Variants in TRIM16 observed in about 807,000 individuals in gnomAD.
TRIM16 encodes the protein tripartite motif containing 16.
In TRIM16, 33 loss-of-function variants were observed where a neutral mutation model predicts 50.4. The ratio of observed to expected loss-of-function variants is 0.65; its 90% CI spans 0.50 to 0.88. The LOEUF is 0.88. Among genes scored for constraint, TRIM16 ranks in the 40% least tolerant of loss-of-function variants. TRIM16 has a pLI of 0.00. For synonymous variants in TRIM16, 229 were observed against 270.7 expected (o/e 0.85, Z 1.51); for missense variants, 581 against 686.8 (o/e 0.85, Z 1.72).
intron 6 of TRIM16, among the ~76,000 whole-genome samples, chr17:15,652,291 G>T (rs1224425254): frequency 8.1e-5 from 12 of 148,692 alleles, no homozygotes; most frequent in Non-Finnish European, 3.0e-5. Context: ...GGGATTACAG[G>T]CACCTGCCAC....
intron 11 of TRIM16, among the ~76,000 whole-genome samples, chr17:15,630,407 C>T (rs1279395092): frequency 6.6e-6 from 1 of 152,170 alleles, no homozygotes; most frequent in Non-Finnish European, 1.5e-5. Flanking sequence ...GCTTGTCCTC[C>T]CTCTAATCTA....
intron 8 of TRIM16, among the ~76,000 whole-genome samples, chr17:15,637,384 C>T (rs1199361630): frequency 8.9e-6 from 1 of 112,920 alleles, no homozygotes; most frequent in South Asian, 3.3e-4. Flanking sequence ...CCGCCCCGTC[C>T]GGGAGGGAGG....
intron 6 of TRIM16, among the ~76,000 whole-genome samples, chr17:15,667,338 T>C (rs930867862): frequency 2.0e-5 from 3 of 152,132 alleles, no homozygotes; most frequent in Admixed American, 1.3e-4. Context: ...CACTCAAAAA[T>C]TGAAAATAAA....
chr17:15,675,403 T>C (rs1368100453), intron 6 of TRIM16: 1 of 165,892 alleles, frequency 6.0e-6, no homozygotes, highest in Non-Finnish European at 1.5e-5. Flanking sequence ...AAGTCTCTGG[T>C]GTCTAATGAG....
chr17:15,636,580 T>G (rs2323795), intron 8 of TRIM16, among the ~76,000 whole-genome samples: 1 of 146,582 alleles, frequency 6.8e-6, no homozygotes, highest in African/African-American at 2.5e-5. Context: ...CAGAGCAATG[T>G]GTGTATTCAG....
Position 15,651,105 on chromosome 17 carries a change from G to A in TRIM16, c.505C>T (p.Arg169Cys), listed in dbSNP as rs772482617. 6.2e-6 allele frequency: 10 copies of A among 1,610,110 alleles called. No homozygotes were observed. The highest frequency in any genetic ancestry group is 2.2e-5 in the East Asian group (1 of 44,810). Reference sequence around the variant, plus strand: ...CAAGCACTCACCTCCTTGTCCCTGCGGGCTGCATCCAGGGAGACTATGGTG... The same window carrying A: ...CAAGCACTCACCTCCTTGTCCCTGCAGGCTGCATCCAGGGAGACTATGGTG... ...GHTIVSLDAA[R>C]RDKEAELQCT... The change falls in exon 7 of 12, where the codon CGC becomes TGC. Residue 169 changes from arginine to cysteine, a missense_variant. Transcript: ENST00000649191.
chr17:15,651,986 T>C, intron 6 of TRIM16, 40 bp from the exon 7 acceptor site: 1 of 1,104,918 alleles, frequency 9.1e-7, no homozygotes, highest in Non-Finnish European at 1.1e-6. Context: ...GTTATAAGCC[T>C]GTGTGGCTTT....
intron 6 of TRIM16, among the ~76,000 whole-genome samples, chr17:15,669,316 T>C (rs1054334895): frequency 3.1e-4 from 47 of 151,636 alleles, no homozygotes; most frequent in African/African-American, 1.0e-3. Context: ...TAAGAATATA[T>C]AGAAATTATA....
intron 6 of TRIM16, among the ~76,000 whole-genome samples, chr17:15,676,597 G>A (rs1330957500): frequency 8.6e-5 from 13 of 151,002 alleles, no homozygotes; most frequent in African/African-American, 2.9e-4. Flanking sequence ...CACCACGCCC[G>A]GCTAATTTTT....
chr17:15,649,778 A>T (rs751524918), intron 7 of TRIM16, among the ~76,000 whole-genome samples: 3 of 152,162 alleles, frequency 2.0e-5, no homozygotes, highest in Non-Finnish European at 4.4e-5. Flanking sequence ...TTAATCGACT[A>T]TGAGCTTGGA....
At chr17:15,631,854 G>T (rs554455990) in intron 10 of TRIM16, 140 bp from the exon 11 acceptor site, 7 of 714,096 alleles carry the variant, frequency 9.8e-6, no homozygotes, top group Non-Finnish European at 1.7e-5. Flanking sequence ...ACAGAAATAC[G>T]CTCAATAGAC....
intron 6 of TRIM16, among the ~76,000 whole-genome samples, chr17:15,676,307 CAACTT>C (rs1227919537): frequency 2.6e-5 from 4 of 152,108 alleles, no homozygotes; most frequent in African/African-American, 9.7e-5. Flanking sequence ...ACACTTCAAA[CAACTT>C]AAGAGAAACT....
chr17:15,643,953 C>T (rs891681726), intron 7 of TRIM16, among the ~76,000 whole-genome samples: 1 of 152,034 alleles, frequency 6.6e-6, no homozygotes, highest in South Asian at 2.1e-4. Context: ...ACTTTCATAA[C>T]TAAAACGTGT....
At chr17:15,640,235 G>A (rs1847018432) in intron 8 of TRIM16, among the ~76,000 whole-genome samples, 1 of 148,254 alleles carries the variant, frequency 6.7e-6, no homozygotes, top group South Asian at 2.2e-4. Flanking sequence ...AGCTGGCACA[G>A]CCTGACCTCT....
At chr17:15,663,882 A>G (rs8081030) in intron 6 of TRIM16, among the ~76,000 whole-genome samples, 2,915 of 152,284 alleles carry the variant, frequency 0.019, 80 homozygotes, top group African/African-American at 0.066. Flanking sequence ...CCCAGGATGC[A>G]GTATTGGGTT....
chr17:15,651,035 G>A (rs1242543088), intron 7 of TRIM16, 56 bp downstream of exon 7: 3 of 1,557,764 alleles, frequency 1.9e-6, no homozygotes, highest in Non-Finnish European at 2.6e-6. Context: ...AGCCAGCTGG[G>A]CACACCATCC....
chr17:15,661,314 G>A (rs1988228076), intron 6 of TRIM16, among the ~76,000 whole-genome samples: 1 of 152,206 alleles, frequency 6.6e-6, no homozygotes, highest in Non-Finnish European at 1.5e-5. Context: ...AACACAGCAG[G>A]ATTTGAGGAG....
At position 15,683,288 on chromosome 17, in the gene TRIM16, C is replaced by T. The variant is rs1989256658; in HGVS notation, c.-898-131G>A. 9.6e-6 allele frequency: 7 copies of T among 728,180 alleles called. No individual in the cohort carries two copies. The East Asian group carries it at 1.4e-4, about 15-fold the overall frequency. 45.1% of individuals were successfully genotyped at this position (728,180 alleles called of 1,614,324 possible). On this transcript the variant is annotated intron_variant, in intron 1 of 11. Coordinates refer to ENST00000649191, the MANE Select transcript of TRIM16 (RefSeq NM_001348119.1). ...GAGCTAAAGCTAAACTCAAGAACTT[C>T]GGCAGCCATTTAATCTTCAGGAAGC...
At chr17:15,667,224 T>A (rs1330443811) in intron 6 of TRIM16, among the ~76,000 whole-genome samples, 1 of 152,090 alleles carries the variant, frequency 6.6e-6, no homozygotes, top group Non-Finnish European at 1.5e-5. Flanking sequence ...ATATTGTCAT[T>A]TGCGCAATGA....
Sources: allele counts gnomAD v4.1 joint callset (sites outside exome capture counted in the v4.1 genomes callset), GRCh38; gene constraint gnomAD v4.1.1; transcripts MANE v1.5; gene names NCBI Gene and HGNC (gene_info 2026-07-23, HGNC 2026-07-21).